GPHN: variants seen among roughly 807,000 people sequenced by gnomAD.
The protein encoded by GPHN is gephyrin.
A neutral mutation model predicts 95.5 loss-of-function variants in GPHN; 17 were observed. That is an observed-to-expected ratio of 0.18 (90% CI 0.12 to 0.27). The LOEUF (loss-of-function observed/expected upper bound fraction) is 0.27. Among genes scored for constraint, GPHN ranks in the 10% least tolerant of loss-of-function variants. The pLI is 1.00. For missense variants in GPHN, 660 were observed against 978.1 expected (o/e 0.67, Z 4.34); for synonymous variants, 320 against 322.5 (o/e 0.99, Z 0.08).
chr14:66,916,776 T>C (rs1251868042), intron 6 of GPHN, among the ~76,000 whole-genome samples: 1 of 152,200 alleles, frequency 6.6e-6, no homozygotes, highest in Admixed American at 6.5e-5. Context: ...GGCAACTACT[T>C]TTACCCTCAG....
At chr14:67,679,224 T>C in the GPHN span, among the ~76,000 whole-genome samples, 1 of 152,264 alleles carries the variant, frequency 6.6e-6, no homozygotes, top group African/African-American at 2.4e-5. Flanking sequence ...GTTCCAGAGA[T>C]AATGGCATTA....
the GPHN span, among the ~76,000 whole-genome samples, chr14:67,435,900 A>T: frequency 6.6e-6 from 1 of 152,192 alleles, no homozygotes; most frequent in African/African-American, 2.4e-5. Flanking sequence ...TGCATCAAAT[A>T]AGGGGGAAAA....
chr14:67,319,656 A>G, the GPHN span, among the ~76,000 whole-genome samples: 2 of 152,114 alleles, frequency 1.3e-5, no homozygotes, highest in Non-Finnish European at 2.9e-5. Flanking sequence ...CAGTGTTTTA[A>G]GAAAGTTTAC....
At chr14:67,598,695 A>C in the GPHN span, among the ~76,000 whole-genome samples, 1 of 148,166 alleles carries the variant, frequency 6.7e-6, no homozygotes, top group Non-Finnish European at 1.5e-5. Context: ...TCATCATTTT[A>C]ACTGACTTAT....
chr14:66,890,147 C>T (rs184723353), intron 5 of GPHN, among the ~76,000 whole-genome samples: 109 of 152,278 alleles, frequency 7.2e-4, no homozygotes, highest in African/African-American at 2.4e-3. Context: ...TACGGTGGCT[C>T]ACACCTGTAA....
At chr14:67,645,600 T>C in the GPHN span, 8 of 1,590,666 alleles carry the variant, frequency 5.0e-6, no homozygotes, top group South Asian at 1.1e-5. Flanking sequence ...TCGGTCATGT[T>C]TGCCAAGCAG....
chr14:67,026,587 T>A (rs757641941), intron 10 of GPHN, among the ~76,000 whole-genome samples: 7 of 152,196 alleles, frequency 4.6e-5, no homozygotes, highest in Non-Finnish European at 8.8e-5. Context: ...AAATGGTATA[T>A]GAGTTGAAGC....
chr14:66,799,580 C>T (rs1038880743), intron 3 of GPHN, among the ~76,000 whole-genome samples: 1 of 151,500 alleles, frequency 6.6e-6, no homozygotes, highest in African/African-American at 2.4e-5. Context: ...TTTGTCTCTT[C>T]TAATAGTTTG....
At chr14:67,321,086 G>T in the GPHN span, 1 of 1,614,096 alleles carries the variant, frequency 6.2e-7, no homozygotes, top group South Asian at 1.1e-5. Context: ...AGACCAAGAA[G>T]TAGCCGGTAG....
intron 8 of GPHN, among the ~76,000 whole-genome samples, chr14:66,955,230 T>A (rs966038014): frequency 6.6e-6 from 1 of 152,218 alleles, no homozygotes; most frequent in Non-Finnish European, 1.5e-5. Flanking sequence ...TGAGGCCATC[T>A]GGTCCTGGGC....
intron 11 of GPHN, among the ~76,000 whole-genome samples, chr14:67,059,789 C>T (rs1259671753): frequency 1.3e-5 from 2 of 152,110 alleles, no homozygotes. Flanking sequence ...ACAGTTTGCC[C>T]TTATCCTACG....
the GPHN span, among the ~76,000 whole-genome samples, chr14:67,712,073 C>A: frequency 6.6e-6 from 1 of 152,122 alleles, no homozygotes. Flanking sequence ...ACATGTGCCA[C>A]CACACCCAGC....
At chr14:66,786,277 G>T (rs2059771614) in intron 3 of GPHN, among the ~76,000 whole-genome samples, 1 of 151,958 alleles carries the variant, frequency 6.6e-6, no homozygotes. Flanking sequence ...CTCATAAATT[G>T]TACAATTTAG....
intron 1 of GPHN, among the ~76,000 whole-genome samples, chr14:66,549,269 A>G (rs1246975166): frequency 6.6e-6 from 1 of 152,138 alleles, no homozygotes; most frequent in Admixed American, 6.5e-5. Context: ...ACCTGGAAAA[A>G]TTATTGAAGG....
At chr14:66,619,578 ATTG>A (rs1432509340) in intron 1 of GPHN, among the ~76,000 whole-genome samples, 5 of 145,786 alleles carry the variant, frequency 3.4e-5, no homozygotes, top group African/African-American at 1.3e-4. Context: ...TTTTTTCCTT[ATTG>A]TTGAGATTTG....
chr14:67,031,245 A>T (rs1011382671), intron 10 of GPHN, among the ~76,000 whole-genome samples: 1 of 152,198 alleles, frequency 6.6e-6, no homozygotes, highest in Non-Finnish European at 1.5e-5. Flanking sequence ...ATTAAGAAAC[A>T]TGAATTTTTA....
At chr14:67,008,224 C>A (rs565753873) in intron 9 of GPHN, among the ~76,000 whole-genome samples, 3 of 151,896 alleles carry the variant, frequency 2.0e-5, no homozygotes, top group Admixed American at 6.6e-5. Context: ...GAGGCCAAGG[C>A]GGGCGGATCA....
chr14:67,279,686 G>C, the GPHN span: 1 of 699,672 alleles, frequency 1.4e-6, no homozygotes, highest in Non-Finnish European at 2.2e-6. Context: ...TGGAAACGCC[G>C]TATAACTATT....
chr14:67,385,008 T>C, the GPHN span: 1 of 152,250 alleles, frequency 6.6e-6, no homozygotes, highest in Admixed American at 6.5e-5. Flanking sequence ...AAATTTGTTA[T>C]ACTTCAAAAG....
Sources: allele counts gnomAD v4.1 joint callset (sites outside exome capture counted in the v4.1 genomes callset), GRCh38; gene constraint gnomAD v4.1.1; transcripts MANE v1.5; gene names NCBI Gene and HGNC (gene_info 2026-07-23, HGNC 2026-07-21).